The following GRAMD2B variants were observed in gnomAD, a reference collection of about 807,000 sequenced individuals.
GRAMD2B encodes GRAM domain-containing protein 2B.
In GRAMD2B, 41 loss-of-function variants were observed where a neutral mutation model predicts 59.2. That is an observed-to-expected ratio of 0.69 (90% CI 0.54 to 0.90). The LOEUF (loss-of-function observed/expected upper bound fraction) is 0.90, where lower values mean the gene tolerates loss of function less well. GRAMD2B is among the 40% of genes least tolerant of loss of function. The pLI, the probability that GRAMD2B is intolerant of heterozygous loss-of-function variation, is 0.00. For missense variants in GRAMD2B, 424 were observed against 500.5 expected (o/e 0.85, Z 1.46); for synonymous variants, 161 against 182.7 (o/e 0.88, Z 0.96).
chr5:126,427,133 T>G (rs1185360034), intron 1 of GRAMD2B, among the ~76,000 whole-genome samples: 3 of 152,224 alleles, frequency 2.0e-5, no homozygotes, highest in Non-Finnish European at 4.4e-5. Flanking sequence ...TGTTTGTTAT[T>G]TAAGTTCTGG....
At chr5:126,415,040 A>C (rs1011515155) in intron 1 of GRAMD2B, among the ~76,000 whole-genome samples, 1 of 152,174 alleles carries the variant, frequency 6.6e-6, no homozygotes, top group African/African-American at 2.4e-5. Flanking sequence ...TAGTTCTATT[A>C]CTTCAGTGCT....
chr5:126,360,178 C>T, exon 1 of GRAMD2B: 1 of 795,072 alleles, frequency 1.3e-6, no homozygotes, highest in Non-Finnish European at 2.0e-6. Context: ...TCCCTCTGAG[C>T]AGACGCTGAA....
intron 1 of GRAMD2B, among the ~76,000 whole-genome samples, chr5:126,395,860 G>T (rs1757324184): frequency 1.3e-5 from 2 of 152,158 alleles, no homozygotes; most frequent in Non-Finnish European, 2.9e-5. Flanking sequence ...GGTGTATGAT[G>T]TGATGTTTTG....
At chr5:126,436,442 A>G (rs1042958092) in intron 1 of GRAMD2B, among the ~76,000 whole-genome samples, 1 of 152,136 alleles carries the variant, frequency 6.6e-6, no homozygotes, top group Non-Finnish European at 1.5e-5. Flanking sequence ...TGAGGCCAGG[A>G]GTTGGAGGCC....
At chr5:126,397,904 C>G (rs956374155) in intron 1 of GRAMD2B, among the ~76,000 whole-genome samples, 1 of 152,052 alleles carries the variant, frequency 6.6e-6, no homozygotes, top group Non-Finnish European at 1.5e-5. Flanking sequence ...GAAGTGTTCC[C>G]TCTTCTATTT....
intron 1 of GRAMD2B, among the ~76,000 whole-genome samples, chr5:126,389,282 A>G (rs1160626919): frequency 1.3e-5 from 2 of 152,230 alleles, no homozygotes; most frequent in African/African-American, 4.8e-5. Flanking sequence ...TATAAGCACT[A>G]TAAAAGTGTT....
chr5:126,465,545 G>T lies in GRAMD2B; in HGVS notation c.203G>T (p.Trp68Leu), dbSNP rs1768170221. The change falls in exon 2 of 14, where the codon TGG becomes TTG. Residue 68 changes from tryptophan to leucine, a missense_variant and splice_region_variant. Physicochemically the swap from Trp to Leu is moderately conservative, Grantham distance 61. Transcript: ENST00000285689. ...GACCAGAAGAAAATCATTAGCCTATGGTAAGTCCTCCGTTGACTCTCTTTG... is the reference window on the plus strand; with the variant it reads ...GACCAGAAGAAAATCATTAGCCTATTGTAAGTCCTCCGTTGACTCTCTTTG... Reference protein sequence around the residue: ...SPDQKKIISLWSKSSFDGASL... With the variant: ...SPDQKKIISLLSKSSFDGASL... 6.2e-7 allele frequency: 1 copy of T among 1,613,246 alleles called. No individual in the cohort carries two copies. Among genetic ancestry groups the T allele is most frequent in the Admixed American group, 1.7e-5 (1 of 59,814 alleles).
At chr5:126,396,785 T>C (rs939842896) in intron 1 of GRAMD2B, among the ~76,000 whole-genome samples, 2 of 152,212 alleles carry the variant, frequency 1.3e-5, no homozygotes, top group Admixed American at 6.5e-5. Context: ...TAATTTACAC[T>C]ACCACCAACA....
chr5:126,367,118 A>G (rs902019025), upstream of GRAMD2B, among the ~76,000 whole-genome samples: 7 of 151,612 alleles, frequency 4.6e-5, no homozygotes, highest in African/African-American at 1.5e-4. Flanking sequence ...CGGCCTCACA[A>G]AGTGCTGGGA....
intron 1 of GRAMD2B, among the ~76,000 whole-genome samples, chr5:126,382,882 C>A (rs923533527): frequency 3.3e-5 from 5 of 152,136 alleles, no homozygotes; most frequent in Non-Finnish European, 7.4e-5. Flanking sequence ...TCCCACAGGG[C>A]GATTCCTTGA....
chr5:126,424,880 G>C (rs1299124171), intron 1 of GRAMD2B, among the ~76,000 whole-genome samples: 2 of 152,208 alleles, frequency 1.3e-5, no homozygotes, highest in East Asian at 3.8e-4. Flanking sequence ...CAGCTAGGCA[G>C]AGTCACAAAG....
chr5:126,467,611 G>A (rs1768698246), intron 2 of GRAMD2B: 1 of 152,170 alleles, frequency 6.6e-6, no homozygotes, highest in Non-Finnish European at 1.5e-5. Flanking sequence ...ATGGGAATCA[G>A]TAGAGGTGAT....
chr5:126,479,939 A>G (rs1462926954), intron 6 of GRAMD2B: 1 of 152,410 alleles, frequency 6.6e-6, no homozygotes, highest in Non-Finnish European at 1.5e-5. Flanking sequence ...CCACTAGAAA[A>G]TCTCCATATT....
chr5:126,405,787 A>G (rs1758214652), intron 1 of GRAMD2B, among the ~76,000 whole-genome samples: 2 of 151,886 alleles, frequency 1.3e-5, no homozygotes, highest in East Asian at 1.9e-4. Context: ...ATGCAACTCA[A>G]CAAACTTAGT....
chr5:126,385,950 T>C (rs895064613), intron 1 of GRAMD2B, among the ~76,000 whole-genome samples: 4 of 152,114 alleles, frequency 2.6e-5, no homozygotes, highest in Non-Finnish European at 5.9e-5. Context: ...CATTTCAAGT[T>C]GCTGAAAGAA....
chr5:126,463,636 G>A (rs1767759771), intron 1 of GRAMD2B, among the ~76,000 whole-genome samples: 1 of 152,198 alleles, frequency 6.6e-6, no homozygotes, highest in Non-Finnish European at 1.5e-5. Context: ...TAAGTACTTG[G>A]AGAAAAATTG....
chr5:126,478,128 T>C (rs1258369380), intron 6 of GRAMD2B, among the ~76,000 whole-genome samples: 1 of 114,446 alleles, frequency 8.7e-6, no homozygotes, highest in Non-Finnish European at 1.7e-5. Flanking sequence ...CCTTTAATAA[T>C]AGTCTTAAAG....
intron 10 of GRAMD2B, 46 bp from the exon 11 acceptor site, chr5:126,485,640 G>A (rs1215499285): frequency 2.6e-6 from 3 of 1,175,654 alleles, no homozygotes; most frequent in Admixed American, 1.8e-5. Flanking sequence ...GATAAAAGAA[G>A]TGTGTTATGG....
chr5:126,399,698 T>A (rs2149737080), intron 1 of GRAMD2B, among the ~76,000 whole-genome samples: 1 of 152,338 alleles, frequency 6.6e-6, no homozygotes, highest in South Asian at 2.1e-4. Context: ...AGTTGCTATA[T>A]CTTTCTGTTG....
Sources: allele counts gnomAD v4.1 joint callset (sites outside exome capture counted in the v4.1 genomes callset), GRCh38; gene constraint gnomAD v4.1.1; transcripts MANE v1.5; gene names NCBI Gene and HGNC (gene_info 2026-07-23, HGNC 2026-07-21).